Variants in AMD1 observed in about 807,000 individuals in gnomAD.
AMD1 encodes the protein S-adenosylmethionine decarboxylase proenzyme.
Under a neutral mutation model 40.2 loss-of-function variants are expected in AMD1, and 11 were observed. The observed-to-expected ratio is 0.27, with a 90% CI of 0.17 to 0.45. The LOEUF (loss-of-function observed/expected upper bound fraction) is 0.45. AMD1 is among the 20% of genes least tolerant of loss of function. The probability of loss-of-function intolerance (pLI) is 1.00; values close to 1 mark genes in which losing one functional copy is unlikely to be tolerated. For missense variants in AMD1, 257 were observed against 410.2 expected, an observed-to-expected ratio of 0.63 and a Z score of 3.23; for synonymous variants, 121 against 130.8, an observed-to-expected ratio of 0.93 and a Z score of 0.51.
At chr6:110,825,193 C>T in the AMD1 span, among the ~76,000 whole-genome samples, 1 of 152,144 alleles carries the variant, frequency 6.6e-6, no homozygotes, top group Non-Finnish European at 1.5e-5. Flanking sequence ...ACAAGAGTAA[C>T]TGATAATAAA....
At chr6:110,884,556 A>AC (rs1236108855) in intron 1 of AMD1, among the ~76,000 whole-genome samples, 10 of 152,030 alleles carry the variant, frequency 6.6e-5, no homozygotes, top group Admixed American at 5.9e-4. Context: ...ACATCAGCCT[A>AC]CCGAGTAGCT....
the AMD1 span, among the ~76,000 whole-genome samples, chr6:110,821,915 G>A: frequency 6.6e-6 from 1 of 152,050 alleles, no homozygotes; most frequent in African/African-American, 2.4e-5. Flanking sequence ...AGGAAATAGA[G>A]ATACAAGAAT....
chr6:110,816,091 T>G, the AMD1 span: 4 of 152,206 alleles, frequency 2.6e-5, no homozygotes, highest in African/African-American at 9.7e-5. Context: ...AAACTGAACC[T>G]TCAGCAGTTT....
the AMD1 span, among the ~76,000 whole-genome samples, chr6:110,859,890 TG>T: frequency 6.6e-6 from 1 of 152,128 alleles, no homozygotes; most frequent in African/African-American, 2.4e-5. Context: ...AGTGCAGTGG[TG>T]CGATCTTGGC....
rs1786069788 is a variant in AMD1, at chr6:110,892,315, G to A, written c.487G>A (p.Asp163Asn). ...NSDCWYLYTLDFPESRVISQP... is the reference protein window; with the variant it reads ...NSDCWYLYTLNFPESRVISQP... ...TTTATTTAGGTACTTATATACTCTGGATTTCCCAGAGAGTCGGGTAATCAG... is the reference window on the plus strand; with the variant it reads ...TTTATTTAGGTACTTATATACTCTGAATTTCCCAGAGAGTCGGGTAATCAG... Residue 163 changes from aspartate (D) to asparagine (N), a missense_variant, in exon 6 of 9, where the codon GAT (aspartate) becomes AAT (asparagine). Around this residue, in one of 3 missense-constraint regions of AMD1, gnomAD observed 192 missense variants for 296.5 expected, o/e 0.65. Transcript: ENST00000368885. The A allele has an allele frequency of 6.2e-7, 1 of 1,613,598 alleles. No homozygotes were observed. The highest frequency in any genetic ancestry group is 8.5e-7 in the Non-Finnish European group (1 of 1,180,022).
the AMD1 span, among the ~76,000 whole-genome samples, chr6:110,821,051 G>C: frequency 6.6e-6 from 1 of 152,168 alleles, no homozygotes; most frequent in Non-Finnish European, 1.5e-5. Flanking sequence ...TTTAATCTTC[G>C]CTGGTTAATG....
chr6:110,837,631 A>G, the AMD1 span, among the ~76,000 whole-genome samples: 1 of 146,488 alleles, frequency 6.8e-6, no homozygotes, highest in South Asian at 2.2e-4. Flanking sequence ...AAATCACTTG[A>G]ACTCAGGAGG....
At chr6:110,886,307 C>CT (rs1318637736) in intron 1 of AMD1, among the ~76,000 whole-genome samples, 2 of 151,594 alleles carry the variant, frequency 1.3e-5, no homozygotes, top group African/African-American at 2.4e-5. Context: ...AATTTTTCTT[C>CT]TTTTTTTAAA....
intron 1 of AMD1, among the ~76,000 whole-genome samples, chr6:110,878,251 A>G (rs539757531): frequency 2.6e-5 from 4 of 152,274 alleles, no homozygotes; most frequent in Non-Finnish European, 5.9e-5. Flanking sequence ...TTTACCTTTC[A>G]TATTTAGATC....
chr6:110,825,050 G>T, the AMD1 span, among the ~76,000 whole-genome samples: 1 of 152,114 alleles, frequency 6.6e-6, no homozygotes, highest in Non-Finnish European at 1.5e-5. Context: ...GTCCTTGGGG[G>T]ATACACACCA....
At chr6:110,816,162 C>T in the AMD1 span, among the ~76,000 whole-genome samples, 1 of 152,244 alleles carries the variant, frequency 6.6e-6, no homozygotes, top group Non-Finnish European at 1.5e-5. Flanking sequence ...AGCCAATCAT[C>T]ATTTTCTTGG....
At chr6:110,845,415 G>T in the AMD1 span, among the ~76,000 whole-genome samples, 1 of 152,080 alleles carries the variant, frequency 6.6e-6, no homozygotes, top group Non-Finnish European at 1.5e-5. Context: ...TGAGAGATCT[G>T]CTCCCATGAC....
chr6:110,839,480 G>T, the AMD1 span, among the ~76,000 whole-genome samples: 2 of 152,232 alleles, frequency 1.3e-5, no homozygotes, highest in Non-Finnish European at 2.9e-5. Context: ...AATTAGCCAG[G>T]TGTAGTGGTG....
the AMD1 span, among the ~76,000 whole-genome samples, chr6:110,853,692 C>T: frequency 6.6e-6 from 1 of 152,192 alleles, no homozygotes; most frequent in African/African-American, 2.4e-5. Flanking sequence ...CCTCTCACCT[C>T]AGCCTCCCAA....
At chr6:110,885,022 A>C (rs370929853) in intron 1 of AMD1, among the ~76,000 whole-genome samples, 22 of 152,354 alleles carry the variant, frequency 1.4e-4, no homozygotes, top group African/African-American at 4.6e-4. Context: ...ATTTACCTTC[A>C]TATTCAGGAA....
the AMD1 span, among the ~76,000 whole-genome samples, chr6:110,867,329 C>T: frequency 2.6e-5 from 4 of 151,698 alleles, no homozygotes; most frequent in African/African-American, 9.7e-5. Context: ...GTTTTTTAAT[C>T]ATTTAAATAA....
At chr6:110,880,371 A>G (rs1325309355) in intron 1 of AMD1, among the ~76,000 whole-genome samples, 1 of 152,222 alleles carries the variant, frequency 6.6e-6, no homozygotes, top group Non-Finnish European at 1.5e-5. Flanking sequence ...TTTACATTTT[A>G]GGTTTTCAAG....
At chr6:110,829,562 G>A in the AMD1 span, among the ~76,000 whole-genome samples, 2 of 151,932 alleles carry the variant, frequency 1.3e-5, no homozygotes, top group African/African-American at 4.8e-5. Flanking sequence ...CCAGCTACTC[G>A]GGAGGCTGAG....
the AMD1 span, among the ~76,000 whole-genome samples, chr6:110,833,022 T>C: frequency 6.6e-6 from 1 of 152,168 alleles, no homozygotes. Flanking sequence ...GGTTTCGCCA[T>C]GTTGGCCAGG....
Sources: allele counts gnomAD v4.1 joint callset (sites outside exome capture counted in the v4.1 genomes callset), GRCh38; gene constraint gnomAD v4.1.1; regional missense constraint gnomAD v4.1.1; transcripts MANE v1.5; gene names NCBI Gene and HGNC (gene_info 2026-07-23, HGNC 2026-07-21).